The following DOP1B variants were observed in gnomAD, a reference collection of about 807,000 sequenced individuals.
DOP1B encodes the protein DOP1 leucine zipper like protein B.
DOP1B carries 174 observed loss-of-function variants against 233.5 expected under a neutral mutation model. That is an observed-to-expected ratio of 0.75 (90% confidence interval 0.66 to 0.85). The LOEUF is 0.85. Among genes scored for constraint, DOP1B ranks in the 40% least tolerant of loss-of-function variants. DOP1B has a pLI of 0.00. For synonymous variants in DOP1B, 1,190 were observed against 1,185.6 expected, an observed-to-expected ratio of 1.00 and a Z score of -0.08; for missense variants, 2,652 against 2,846.6, an observed-to-expected ratio of 0.93 and a Z score of 1.56.
In DOP1B at chr21:36,208,809, C is replaced by T. The variant is rs369824664; in HGVS notation, c.586C>T (p.Arg196Cys). 3.5e-5 allele frequency: 56 copies of T among 1,607,122 alleles called. No homozygotes were observed. The highest frequency in any genetic ancestry group is 4.2e-5 in the Non-Finnish European group (49 of 1,176,730). Residue 196 changes from arginine (R) to cysteine (C), a missense_variant, in exon 5 of 37, where the codon CGC becomes TGC. Arg to Cys is a radical substitution (Grantham distance 180, BLOSUM62 -3). Around this residue, in one of 3 missense-constraint regions of DOP1B, gnomAD observed 2,617 missense variants for 2,794.3 expected, o/e 0.94. Coordinates refer to ENST00000691173, the MANE Select transcript of DOP1B (RefSeq NM_001320714.2). ...WGSVLASPSI[R>C]LPASVFVVGH... is the part of the protein sequence containing the mutation. ...GAGCGTCCTGGCCAGCCCGTCCATCCGCCTCCCTGCCTCAGTCTTCGTGGT... is the reference window on the plus strand; with the variant it reads ...GAGCGTCCTGGCCAGCCCGTCCATCTGCCTCCCTGCCTCAGTCTTCGTGGT...
intron 15 of DOP1B, among the ~76,000 whole-genome samples, chr21:36,236,613 A>G (rs80158485): frequency 0.079 from 11,962 of 152,166 alleles, 783 homozygotes; most frequent in African/African-American, 0.19. Flanking sequence ...CCTTTGGTCC[A>G]GTTTCCAGTT....
At chr21:36,227,372 C>T (rs1245179315) in intron 12 of DOP1B, among the ~76,000 whole-genome samples, 1 of 150,884 alleles carries the variant, frequency 6.6e-6, no homozygotes, top group Admixed American at 6.6e-5. Context: ...ACGGTGAAAC[C>T]CCATCTCTAC....
intron 32 of DOP1B, among the ~76,000 whole-genome samples, chr21:36,281,836 A>G (rs1291360068): frequency 1.3e-5 from 2 of 152,122 alleles, no homozygotes; most frequent in Admixed American, 1.3e-4. Flanking sequence ...TACAGTACCA[A>G]TCCCATCCAT....
At chr21:36,281,360 C>A in intron 31 of DOP1B, 123 bp from the exon 32 acceptor site, 1 of 1,029,172 alleles carries the variant, frequency 9.7e-7, no homozygotes, top group South Asian at 2.0e-5. Context: ...ATCTCATGTC[C>A]TTACTTAATA....
chr21:36,232,005 C>T (rs1307126852), intron 14 of DOP1B, among the ~76,000 whole-genome samples: 1 of 152,142 alleles, frequency 6.6e-6, no homozygotes, highest in Non-Finnish European at 1.5e-5. Context: ...GCCACCACAC[C>T]CAGCTAATTT....
At chr21:36,261,978 A>G in intron 24 of DOP1B, 12 of 984,544 alleles carry the variant, frequency 1.2e-5, no homozygotes, top group South Asian at 9.4e-5. Context: ...CTATGCCTAC[A>G]TAGCCATCAG....
At chr21:36,292,304 T>G in intron 36 of DOP1B, 71 bp downstream of exon 36, 1 of 1,306,026 alleles carries the variant, frequency 7.7e-7, no homozygotes, top group Non-Finnish European at 1.0e-6. Context: ...CCACCCAGGT[T>G]AGAGTGCAGT....
intron 27 of DOP1B, among the ~76,000 whole-genome samples, chr21:36,273,116 T>C (rs900099148): frequency 2.3e-5 from 3 of 132,742 alleles, no homozygotes; most frequent in Non-Finnish European, 4.8e-5. Flanking sequence ...AATAAATAAA[T>C]AAAAATAAGG....
intron 23 of DOP1B, among the ~76,000 whole-genome samples, chr21:36,255,639 C>G (rs1353340063): frequency 6.6e-6 from 1 of 151,566 alleles, no homozygotes. Context: ...GCCACATTGC[C>G]CAGGCTGGTC....
intron 2 of DOP1B, among the ~76,000 whole-genome samples, chr21:36,165,504 CA>C (rs1256821558): frequency 2.0e-5 from 3 of 152,052 alleles, no homozygotes; most frequent in Non-Finnish European, 2.9e-5. Flanking sequence ...TACTCTATAT[CA>C]GGGGTCCCCA....
chr21:36,227,792 A>G lies in DOP1B; in HGVS notation c.1580A>G (p.His527Arg). The G allele has an allele frequency of 1.2e-6, 2 of 1,613,916 alleles. No individual in the cohort carries two copies. Among genetic ancestry groups the G allele is most frequent in the South Asian group, 1.1e-5 (1 of 91,072 alleles). Reference protein sequence around the residue: ...MEALSLPELTHALKTCFKVLS... With the variant: ...MEALSLPELTRALKTCFKVLS... ...GCCTTAAGTTTACCTGAACTCACGC[A>G]TGCCTTGAAGACGTGTTTCAAGGTG... The change falls in exon 13 of 37, where the codon CAT (histidine) becomes CGT (arginine). Residue 527 changes from histidine (H) to arginine (R), a missense_variant. By Grantham distance (29) the His-to-Arg change is conservative. Around this residue, in one of 3 missense-constraint regions of DOP1B, gnomAD observed 2,617 missense variants for 2,794.3 expected, o/e 0.94. Transcript: ENST00000691173.
intron 34 of DOP1B, 114 bp downstream of exon 34, chr21:36,288,925 A>C (rs2067520432): frequency 6.9e-7 from 1 of 1,457,332 alleles, no homozygotes; most frequent in African/African-American, 1.4e-5. Flanking sequence ...TACTTGTGAA[A>C]GGACCAGCTA....
intron 4 of DOP1B, among the ~76,000 whole-genome samples, chr21:36,204,632 A>C (rs574406765): frequency 1.4e-5 from 2 of 143,274 alleles, no homozygotes; most frequent in African/African-American, 2.6e-5. Context: ...TACAGGCATG[A>C]GCCACCCCTT....
chr21:36,188,177 A>C (rs1429499882), intron 2 of DOP1B, among the ~76,000 whole-genome samples: 2 of 152,180 alleles, frequency 1.3e-5, no homozygotes, highest in Admixed American at 1.3e-4. Context: ...TTAGGGTTCA[A>C]CTGACTTAGG....
chr21:36,238,492 C>A, intron 16 of DOP1B, 109 bp from the exon 17 acceptor site: 1 of 871,260 alleles, frequency 1.1e-6, no homozygotes, highest in Non-Finnish European at 1.9e-6. Flanking sequence ...TGGTTGCTGT[C>A]AGTTCTGCTG....
chr21:36,244,330 T>G (rs952079199), intron 18 of DOP1B, among the ~76,000 whole-genome samples: 6 of 152,038 alleles, frequency 3.9e-5, no homozygotes, highest in African/African-American at 1.4e-4. Context: ...ACACCCAGCC[T>G]CCAGTTTGTC....
intron 17 of DOP1B, among the ~76,000 whole-genome samples, chr21:36,238,967 G>A (rs1300894984): frequency 6.6e-6 from 1 of 152,142 alleles, no homozygotes; most frequent in Non-Finnish European, 1.5e-5. Context: ...GCTGGGCGTG[G>A]TGGTGGGCAC....
In DOP1B at chr21:36,211,527, T is replaced by C. The variant is rs369976395; in HGVS notation, c.682-26T>C. On this transcript the variant is annotated intron_variant, in intron 5 of 36. Coordinates refer to ENST00000691173, the MANE Select transcript of DOP1B (RefSeq NM_001320714.2). ...ATGACCATAAAGAGTAGCCTGAAAATGCTAGTGCCGTTTGATCGTTTACAG... is the reference window on the plus strand; with the variant it reads ...ATGACCATAAAGAGTAGCCTGAAAACGCTAGTGCCGTTTGATCGTTTACAG... 4 of 1,604,090 alleles carry C rather than the reference T, an allele frequency of 2.5e-6. No homozygotes were observed. The East Asian group carries it at 6.7e-5, about 27-fold the overall frequency.
chr21:36,186,614 G>A (rs1031621227), intron 2 of DOP1B, among the ~76,000 whole-genome samples: 38 of 152,122 alleles, frequency 2.5e-4, no homozygotes, highest in Middle Eastern at 3.4e-3. Context: ...TATATTTTTG[G>A]TCACCTACAG....
Sources: gnomAD v4.1 joint callset for allele counts (sites outside exome capture counted in the v4.1 genomes callset) on GRCh38, gnomAD v4.1.1 for gene constraint, gnomAD v4.1.1 regional missense constraint, MANE v1.5 for transcripts, NCBI Gene and HGNC (gene_info 2026-07-23, HGNC 2026-07-21) for gene names.